The following EZH2 variants were observed in gnomAD, a reference collection of about 807,000 sequenced individuals.
The protein encoded by EZH2 is enhancer of zeste 2 polycomb repressive complex 2 subunit.
In EZH2, 18 loss-of-function variants were observed where a neutral mutation model predicts 98.4. The ratio of observed to expected loss-of-function variants is 0.18; its 90% confidence interval spans 0.13 to 0.27. The LOEUF is 0.27. EZH2 is among the 10% of genes least tolerant of loss of function. EZH2 has a pLI of 1.00. For missense variants in EZH2, 470 were observed against 935.1 expected, an observed-to-expected ratio of 0.50 and a Z score of 6.49; for synonymous variants, 338 against 312.3, an observed-to-expected ratio of 1.08 and a Z score of -0.87.
At chr7:148,828,979 A>C in intron 5 of EZH2, 99 bp from the exon 6 acceptor site, 1 of 1,161,480 alleles carries the variant, frequency 8.6e-7, no homozygotes, top group South Asian at 1.4e-5. Context: ...TAGCCTAGTA[A>C]CTGGCACTAA....
chr7:148,822,069 A>T (rs1470451085), intron 8 of EZH2, among the ~76,000 whole-genome samples: 2 of 152,238 alleles, frequency 1.3e-5, no homozygotes, highest in African/African-American at 2.4e-5. Context: ...GGAGGATCAG[A>T]TTTATAATCC....
At chr7:148,822,196 A>C (rs748517964) in intron 8 of EZH2, among the ~76,000 whole-genome samples, 1 of 152,222 alleles carries the variant, frequency 6.6e-6, no homozygotes. Flanking sequence ...CTAACTGATA[A>C]ATTCAACTAC....
At position 148,855,897 on chromosome 7, in the gene EZH2, CAAAAAAAAAAAAA is replaced by C. The variant is rs34692092; in HGVS notation, c.-7-8605_-7-8593del. Reference sequence around the variant, plus strand: ...TAGGCGACAGAGCAAGACTCCATCTCAAAAAAAAAAAAAAAAAAAAAAAAGTAGTGACTATCAA... The same window carrying C: ...TAGGCGACAGAGCAAGACTCCATCTCAAAAAAAAAAAGTAGTGACTATCAA... On this transcript the variant is annotated intron_variant, in intron 1 of 19. Coordinates refer to ENST00000320356, the MANE Select transcript of EZH2 (RefSeq NM_004456.5). Among the ~76,000 whole-genome samples the C allele has an allele frequency of 3.4e-4, 14 of 41,016 alleles. 1 individual carries two copies. Among genetic ancestry groups the C allele is most frequent in the African/African-American group, 1.5e-3 (14 of 9,090 alleles). The allele number at this position is 41,016 out of a possible 152,430, so 26.9% of individuals were successfully genotyped here. A position where few individuals can be genotyped will look rare whatever the true frequency, so the allele number is the denominator to read the frequency against.
chr7:148,843,583 GTTTTTTTTTTTTTTTT>G (rs1157236882), intron 3 of EZH2, among the ~76,000 whole-genome samples: 4 of 64,310 alleles, frequency 6.2e-5, no homozygotes, highest in Admixed American at 2.6e-4. Flanking sequence ...GGGAGTATAA[GTTTTTTTTTTTTTTTT>G]TTTTTTTTTT....
intron 19 of EZH2, 113 bp from the exon 20 acceptor site, chr7:148,807,819 A>AAG (rs1312217461): frequency 1.9e-6 from 1 of 520,694 alleles, no homozygotes; most frequent in African/African-American, 2.4e-5. Flanking sequence ...GTCTTTAAAA[A>AAG]AAAAAAAAAA....
intron 1 of EZH2, among the ~76,000 whole-genome samples, chr7:148,852,728 A>G (rs570009491): frequency 4.6e-4 from 70 of 152,324 alleles, no homozygotes; most frequent in Non-Finnish European, 8.1e-4. Context: ...TAGTCTCATG[A>G]CCTAAGCCCT....
chr7:148,811,890 T>G, intron 15 of EZH2, 170 bp from the exon 16 acceptor site: 1 of 596,398 alleles, frequency 1.7e-6, no homozygotes, highest in Admixed American at 2.8e-5. Flanking sequence ...CTGCTGAGAA[T>G]GGCTATGAAC....
chr7:148,824,733 G>C (rs140981967), intron 8 of EZH2, among the ~76,000 whole-genome samples: 1 of 151,920 alleles, frequency 6.6e-6, no homozygotes, highest in East Asian at 1.9e-4. Flanking sequence ...GTATTTTGTC[G>C]AAGTTAACGT....
intron 3 of EZH2, among the ~76,000 whole-genome samples, chr7:148,841,042 G>GT (rs1306000342): frequency 6.6e-6 from 1 of 151,996 alleles, no homozygotes; most frequent in East Asian, 1.9e-4. Context: ...ACTTCTGCTA[G>GT]TTTTATTAGT....
intron 8 of EZH2, among the ~76,000 whole-genome samples, chr7:148,820,045 A>T (rs1805562175): frequency 6.6e-6 from 1 of 152,212 alleles, no homozygotes; most frequent in African/African-American, 2.4e-5. Flanking sequence ...ATTAAATCAG[A>T]TTTCCTATTT....
rs1477577716 is a variant in EZH2, at chr7:148,884,201, TCGCCCCCGCGCGCCGCCGC to T, written c.-64_-46del. ...CGCCGACTCGCGTTGTTCCCGCGCG[TCGCCCCCGCGCGCCGCCGC>T]CGCCGCCGCCGGGGCTCCACTGCCT... On this transcript the variant is annotated 5_prime_UTR_variant, in exon 1 of 20. Transcript: ENST00000320356. The T allele has an allele frequency of 1.2e-5, 2 of 167,762 alleles. No homozygotes were observed. Among genetic ancestry groups the T allele is most frequent in the East Asian group, 1.2e-4 (1 of 8,598 alleles). The allele number at this position is 167,762 out of a possible 1,614,324, so 10.4% of individuals were successfully genotyped here.
chr7:148,847,351 G>A, intron 1 of EZH2, 46 bp from the exon 2 acceptor site: 1 of 1,605,444 alleles, frequency 6.2e-7, no homozygotes, highest in Non-Finnish European at 8.5e-7. Context: ...TAACCAGCCT[G>A]AATATGATCA....
chr7:148,825,311 C>T (rs763093044), intron 8 of EZH2, among the ~76,000 whole-genome samples: 7 of 152,168 alleles, frequency 4.6e-5, no homozygotes, highest in East Asian at 3.8e-4. Context: ...TGACTTACTA[C>T]GAATTTTTAA....
intron 8 of EZH2, among the ~76,000 whole-genome samples, chr7:148,819,922 G>A (rs1363130904): frequency 1.3e-5 from 2 of 152,106 alleles, no homozygotes; most frequent in Non-Finnish European, 2.9e-5. Flanking sequence ...AATGAGTCGT[G>A]ATTTCTCATT....
chr7:148,879,856 G>A (rs1820716205), intron 1 of EZH2, among the ~76,000 whole-genome samples: 2 of 151,002 alleles, frequency 1.3e-5, no homozygotes, highest in African/African-American at 4.9e-5. Context: ...TGTCATCCCT[G>A]TACTTTAAGA....
chr7:148,855,777 A>C (rs9718565), intron 1 of EZH2, among the ~76,000 whole-genome samples: 64 of 151,912 alleles, frequency 4.2e-4, no homozygotes, highest in African/African-American at 1.4e-3. Flanking sequence ...GCACGCCTGT[A>C]ATCCCAGCTA....
At chr7:148,866,961 G>A (rs540928713) in intron 1 of EZH2, among the ~76,000 whole-genome samples, 14 of 147,762 alleles carry the variant, frequency 9.5e-5, no homozygotes, top group African/African-American at 2.7e-4. Flanking sequence ...TGATCCACCC[G>A]CCTCAGCCTC....
chr7:148,813,467 G>A lies in EZH2; in HGVS notation c.1851+492C>T, dbSNP rs556110107. ...ACTAAAAATATATAGTTCCTAGCTGGGTTTTTTTCAAGGTTATTAAACAAA... is the reference window on the plus strand; with the variant it reads ...ACTAAAAATATATAGTTCCTAGCTGAGTTTTTTTCAAGGTTATTAAACAAA... On this transcript the variant is annotated intron_variant, in intron 15 of 19. Coordinates refer to ENST00000320356, the MANE Select transcript of EZH2 (RefSeq NM_004456.5). 3.3e-5 allele frequency among the ~76,000 whole-genome samples: 5 copies of A among 151,548 alleles called. No individual in the cohort carries two copies. In the South Asian group the frequency reaches 1.0e-3, roughly 32 times the overall value.
At chr7:148,873,989 A>C (rs17171138) in intron 1 of EZH2, among the ~76,000 whole-genome samples, 3,631 of 152,288 alleles carry the variant, frequency 0.024, 139 homozygotes, top group African/African-American at 0.084. Context: ...TGCTAAAATA[A>C]GGAAGATATT....
Sources: gnomAD v4.1 joint callset for allele counts (sites outside exome capture counted in the v4.1 genomes callset) on GRCh38, gnomAD v4.1.1 for gene constraint, MANE v1.5 for transcripts, NCBI Gene and HGNC (gene_info 2026-07-23, HGNC 2026-07-21) for gene names.